SEMA6A: variants seen among roughly 807,000 people sequenced by gnomAD.
The protein encoded by SEMA6A is semaphorin 6A, also known as semaphorin-6A.
Under a neutral mutation model 96.8 loss-of-function variants are expected in SEMA6A, and 25 were observed. That is an observed-to-expected ratio of 0.26 (90% CI 0.19 to 0.36). The LOEUF is 0.36. SEMA6A is among the 10% of genes least tolerant of loss of function. The probability of loss-of-function intolerance (pLI) is 1.00; values close to 1 mark genes in which losing one functional copy is unlikely to be tolerated. For missense variants in SEMA6A, 1,363 were observed against 1,323.1 expected (o/e 1.03, Z -0.47); for synonymous variants, 612 against 518.0 (o/e 1.18, Z -2.46).
At chr5:116,495,726 T>C (rs1757565436) in intron 5 of SEMA6A, 2 of 495,910 alleles carry the variant, frequency 4.0e-6, no homozygotes, top group East Asian at 3.6e-5. Flanking sequence ...AAGCATAGAA[T>C]GGAAGATTGT....
At chr5:116,572,567 G>A (rs1174566336) in intron 1 of SEMA6A, among the ~76,000 whole-genome samples, 1 of 152,198 alleles carries the variant, frequency 6.6e-6, no homozygotes, top group East Asian at 1.9e-4. Context: ...CAGATGGCTC[G>A]GGATTCTGCA....
intron 17 of SEMA6A, chr5:116,469,469 C>G (rs1755976672): frequency 6.6e-6 from 1 of 151,822 alleles, no homozygotes; most frequent in Admixed American, 6.6e-5. Flanking sequence ...CTCCTGAATT[C>G]AAGACTACTT....
intron 1 of SEMA6A, among the ~76,000 whole-genome samples, chr5:116,507,861 T>G (rs1238987123): frequency 6.6e-6 from 1 of 152,242 alleles, no homozygotes; most frequent in East Asian, 1.9e-4. Flanking sequence ...AAACATACCA[T>G]TACTACAAAG....
chr5:116,450,333 A>G (rs147027945), intron 18 of SEMA6A, among the ~76,000 whole-genome samples: 13 of 152,294 alleles, frequency 8.5e-5, no homozygotes, highest in African/African-American at 2.6e-4. Context: ...GGGACTGGAT[A>G]TTCCCAATAA....
At chr5:116,469,042 G>T (rs751953890) in intron 17 of SEMA6A, 1 of 151,512 alleles carries the variant, frequency 6.6e-6, no homozygotes, top group Non-Finnish European at 1.5e-5. Context: ...ATATAACAAA[G>T]ATAGCTTTTT....
chr5:116,466,969 T>G (rs944080631), intron 18 of SEMA6A, among the ~76,000 whole-genome samples: 1 of 152,050 alleles, frequency 6.6e-6, no homozygotes, highest in Non-Finnish European at 1.5e-5. Context: ...CACAGTAGAG[T>G]CCCTTTCATT....
At chr5:116,456,500 T>C (rs1025029449) in intron 18 of SEMA6A, among the ~76,000 whole-genome samples, 6 of 152,216 alleles carry the variant, frequency 3.9e-5, no homozygotes, top group African/African-American at 1.4e-4. Flanking sequence ...TCCCTTAGTA[T>C]CTGTCAAAAG....
At chr5:116,507,625 G>T (rs1275728663) in intron 1 of SEMA6A, among the ~76,000 whole-genome samples, 1 of 152,278 alleles carries the variant, frequency 6.6e-6, no homozygotes, top group East Asian at 1.9e-4. Flanking sequence ...ATATTTATAG[G>T]TATCTGCAAA....
At position 116,447,215 on chromosome 5, in the gene SEMA6A, C is replaced by G. The variant is rs1754277768; in HGVS notation, c.2491G>C (p.Asp831His). 6.2e-7 allele frequency: 1 copy of G among 1,613,936 alleles called. No homozygotes were observed. Among genetic ancestry groups the G allele is most frequent in the African/African-American group, 1.3e-5 (1 of 74,940 alleles). ...TQQGYQHEYV[D>H]QPKMSEVAQM... ...GCCACCTCGCTCATTTTGGGCTGGTCCACGTACTCATGCTGGTAGCCCTGC... is the reference window on the plus strand; with the variant it reads ...GCCACCTCGCTCATTTTGGGCTGGTGCACGTACTCATGCTGGTAGCCCTGC... Residue 831 changes from aspartate (D) to histidine (H), a missense_variant, in exon 19 of 19, where the codon GAC becomes CAC. Physicochemically the swap from Asp to His is moderately conservative, Grantham distance 81 (BLOSUM62 -1). This residue lies in a region of SEMA6A where 883 missense variants were observed against 763.6 expected (regional missense o/e 1.16). Transcript: ENST00000343348.
intron 1 of SEMA6A, among the ~76,000 whole-genome samples, chr5:116,548,799 C>T (rs764156726): frequency 1.3e-5 from 2 of 152,180 alleles, no homozygotes; most frequent in Non-Finnish European, 2.9e-5. Flanking sequence ...AGAGTTTTAT[C>T]CAATGGCATT....
At position 116,509,607 on chromosome 5, in the gene SEMA6A, T is replaced by TGTGAGA. The variant is rs1554088477; in HGVS notation, c.-38-4626_-38-4625insTCTCAC. ...GTGAAGAAGGGTGTCTCTGTGTGTG[T>TGTGAGA]GAGAGAGAGAGAGAGAGCATGCGAT... On this transcript the variant is annotated intron_variant, in intron 1 of 18. Coordinates refer to ENST00000343348, the MANE Select transcript of SEMA6A (RefSeq NM_020796.5). Among the ~76,000 whole-genome samples, 683 of 150,548 alleles carry TGTGAGA rather than the reference T, an allele frequency of 4.5e-3. 5 individuals are homozygous for TGTGAGA. The highest frequency in any genetic ancestry group is 0.015 in the African/African-American group (614 of 41,020).
chr5:116,532,921 A>G (rs1005088252), intron 1 of SEMA6A, among the ~76,000 whole-genome samples: 1 of 152,210 alleles, frequency 6.6e-6, no homozygotes, highest in East Asian at 1.9e-4. Context: ...GGACACAGAC[A>G]GAGATGACAG....
chr5:116,467,486 T>A, intron 18 of SEMA6A, 97 bp downstream of exon 18: 1 of 1,307,034 alleles, frequency 7.7e-7, no homozygotes, highest in Non-Finnish European at 1.0e-6. Context: ...TGGAGGTTCC[T>A]TAAATGCTGC....
chr5:116,540,322 T>G (rs1014350353), intron 1 of SEMA6A, among the ~76,000 whole-genome samples: 1 of 152,230 alleles, frequency 6.6e-6, no homozygotes, highest in East Asian at 1.9e-4. Context: ...CAAACTAGGC[T>G]CTGCCATCAG....
chr5:116,465,069 A>C (rs1435783361), intron 18 of SEMA6A, among the ~76,000 whole-genome samples: 1 of 152,202 alleles, frequency 6.6e-6, no homozygotes, highest in Non-Finnish European at 1.5e-5. Flanking sequence ...CAATCGACCC[A>C]GTAGAAAGAG....
chr5:116,493,289 T>G (rs1757423335), intron 6 of SEMA6A, among the ~76,000 whole-genome samples: 1 of 152,196 alleles, frequency 6.6e-6, no homozygotes. Flanking sequence ...TTAGAAGCAT[T>G]AATCTTAATG....
chr5:116,511,451 T>G (rs1272731202), intron 1 of SEMA6A, among the ~76,000 whole-genome samples: 1 of 152,120 alleles, frequency 6.6e-6, no homozygotes, highest in Admixed American at 6.5e-5. Flanking sequence ...CAAAGCCAGG[T>G]CTGTATAATG....
At chr5:116,481,796 T>C (rs1756789472) in intron 11 of SEMA6A, among the ~76,000 whole-genome samples, 1 of 152,100 alleles carries the variant, frequency 6.6e-6, no homozygotes, top group South Asian at 2.1e-4. Context: ...AGAGACTACA[T>C]AGGACTGAGA....
chr5:116,504,931 G>C lies in SEMA6A; in HGVS notation c.14C>G (p.Ala5Gly), dbSNP rs374035190. The C allele has an allele frequency of 9.8e-5, 157 of 1,596,582 alleles. No individual in the cohort carries two copies. Among genetic ancestry groups the C allele is most frequent in the Admixed American group, 5.0e-4 (29 of 57,856 alleles). Reference protein sequence around the residue: MRSEALLLYFTLLHF... With the variant: MRSEGLLLYFTLLHF... ...TAGCAGTGTGAAATATAGCAGCAAG[G>C]CTTCTGACCTCATAGTAGTTCAGCG... Residue 5 changes from alanine to glycine, a missense_variant, in exon 2 of 19, where the codon GCC (alanine) becomes GGC (glycine). Coordinates refer to ENST00000343348, the MANE Select transcript of SEMA6A (RefSeq NM_020796.5).
Sources: gnomAD v4.1 joint callset for allele counts (sites outside exome capture counted in the v4.1 genomes callset) on GRCh38, gnomAD v4.1.1 for gene constraint, gnomAD v4.1.1 regional missense constraint, MANE v1.5 for transcripts, NCBI Gene and HGNC (gene_info 2026-07-23, HGNC 2026-07-21) for gene names.